Variants in SLC44A5 observed in about 807,000 individuals in gnomAD.
SLC44A5 encodes choline transporter-like protein 5.
Under a neutral mutation model 101.8 loss-of-function variants are expected in SLC44A5, and 57 were observed. That is an observed-to-expected ratio of 0.56 (90% confidence interval 0.45 to 0.70). The LOEUF is 0.70. Among genes scored for constraint, SLC44A5 ranks in the 30% least tolerant of loss-of-function variants. SLC44A5 has a pLI of 0.00. For synonymous variants in SLC44A5, 281 were observed against 290.9 expected (o/e 0.97, Z 0.35); for missense variants, 737 against 853.1 (o/e 0.86, Z 1.70).
chr1:75,571,351 A>T (rs1673062178), intron 1 of SLC44A5, among the ~76,000 whole-genome samples: 2 of 152,216 alleles, frequency 1.3e-5, no homozygotes, highest in African/African-American at 4.8e-5. Context: ...ATATATCCAG[A>T]ATGATCAATA....
At chr1:75,649,808 C>G in the SLC44A5 span, among the ~76,000 whole-genome samples, 10 of 152,258 alleles carry the variant, frequency 6.6e-5, no homozygotes, top group South Asian at 6.2e-4. Context: ...GGAATCTCAC[C>G]TATTCTGGAG....
At chr1:75,298,748 A>G (rs949236198) in intron 5 of SLC44A5, among the ~76,000 whole-genome samples, 2 of 152,200 alleles carry the variant, frequency 1.3e-5, no homozygotes, top group Non-Finnish European at 2.9e-5. Context: ...ATGGGTTGCC[A>G]TGGAAATAAT....
chr1:75,621,669 A>G, the SLC44A5 span, among the ~76,000 whole-genome samples: 1 of 152,266 alleles, frequency 6.6e-6, no homozygotes, highest in African/African-American at 2.4e-5. Flanking sequence ...ATAATATTGT[A>G]ACATCGAAGG....
At chr1:75,555,851 C>A (rs1472024469) in intron 1 of SLC44A5, among the ~76,000 whole-genome samples, 1 of 151,990 alleles carries the variant, frequency 6.6e-6, no homozygotes, top group Non-Finnish European at 1.5e-5. Context: ...TTTGTATATC[C>A]ACACAGTAGA....
intron 2 of SLC44A5, among the ~76,000 whole-genome samples, chr1:75,444,497 A>AGAAAGAAAGAAAGAAAGAAAGAAG (rs1665425851): frequency 6.6e-6 from 1 of 151,574 alleles, no homozygotes; most frequent in Non-Finnish European, 1.5e-5. Context: ...AAAGAAAGAA[A>AGAAAGAAAGAAAGAAAGAAAGAAG]GAAAGAAAGA....
the SLC44A5 span, among the ~76,000 whole-genome samples, chr1:75,661,087 ATAC>A: frequency 2.0e-5 from 3 of 152,154 alleles, no homozygotes; most frequent in Non-Finnish European, 2.9e-5. Context: ...ACTTCAAAAT[ATAC>A]TACAAAAGCG....
chr1:75,562,590 C>CG (rs970218519), intron 1 of SLC44A5, among the ~76,000 whole-genome samples: 39 of 152,068 alleles, frequency 2.6e-4, no homozygotes, highest in African/African-American at 8.7e-4. Context: ...CCTAGCTACT[C>CG]GGGGGGAGGA....
chr1:75,528,245 A>G (rs1258171528), intron 2 of SLC44A5, among the ~76,000 whole-genome samples: 1 of 152,226 alleles, frequency 6.6e-6, no homozygotes, highest in Non-Finnish European at 1.5e-5. Context: ...CTCTATAGGC[A>G]TATTTGAAAA....
At chr1:75,710,562 T>TAAAAAAAAAA in the SLC44A5 span, 2 of 52,304 alleles carry the variant, frequency 3.8e-5, no homozygotes, top group Non-Finnish European at 6.2e-5. Context: ...AGACCCTACC[T>TAAAAAAAAAA]AAAAAAAAAA....
the SLC44A5 span, among the ~76,000 whole-genome samples, chr1:75,660,503 G>A: frequency 1.3e-5 from 2 of 151,958 alleles, no homozygotes; most frequent in African/African-American, 4.8e-5. Context: ...AGACTAAAGG[G>A]CATCCAACTT....
the SLC44A5 span, among the ~76,000 whole-genome samples, chr1:75,639,763 G>C: frequency 6.6e-6 from 1 of 152,078 alleles, no homozygotes; most frequent in Non-Finnish European, 1.5e-5. Context: ...AGGTAACTGG[G>C]AATCTGCTTG....
At chr1:75,483,294 G>C (rs1667972839) in intron 2 of SLC44A5, among the ~76,000 whole-genome samples, 2 of 152,118 alleles carry the variant, frequency 1.3e-5, no homozygotes, top group South Asian at 2.1e-4. Context: ...TAAAAATCCA[G>C]ATATCATTTT....
At chr1:75,483,582 A>G (rs895320055) in intron 2 of SLC44A5, among the ~76,000 whole-genome samples, 22 of 152,172 alleles carry the variant, frequency 1.4e-4, no homozygotes, top group African/African-American at 5.3e-4. Context: ...ATGAAATAAG[A>G]AAATAAGAAA....
chr1:75,332,984 T>G (rs1238163486), intron 4 of SLC44A5, among the ~76,000 whole-genome samples: 1 of 152,270 alleles, frequency 6.6e-6, no homozygotes, highest in East Asian at 1.9e-4. Flanking sequence ...TTTTTCTAAT[T>G]GTATAGGAGA....
chr1:75,424,142 T>G (rs1485647910), intron 2 of SLC44A5, among the ~76,000 whole-genome samples: 9 of 152,222 alleles, frequency 5.9e-5, no homozygotes, highest in Admixed American at 5.2e-4. Context: ...GGCTTTTGTT[T>G]CTAAAGAGGA....
chr1:75,592,092 C>G (rs1351997939), intron 1 of SLC44A5, among the ~76,000 whole-genome samples: 1 of 152,084 alleles, frequency 6.6e-6, no homozygotes, highest in African/African-American at 2.4e-5. Context: ...GTCAAATTAT[C>G]CTTGTTTGCA....
intron 21 of SLC44A5, 36 bp downstream of exon 21, chr1:75,213,883 A>G (rs536359927): frequency 7.1e-7 from 1 of 1,398,820 alleles, no homozygotes; most frequent in Non-Finnish European, 9.9e-7. Context: ...CATCTTTTAA[A>G]CTTTTTTTTT....
intron 4 of SLC44A5, among the ~76,000 whole-genome samples, chr1:75,326,890 T>C (rs1656640555): frequency 6.6e-6 from 1 of 152,110 alleles, no homozygotes; most frequent in Admixed American, 6.6e-5. Context: ...TTTCTCCACC[T>C]ATTGTAAGGG....
At chr1:75,651,558 G>A in the SLC44A5 span, among the ~76,000 whole-genome samples, 3 of 151,866 alleles carry the variant, frequency 2.0e-5, no homozygotes, top group African/African-American at 4.8e-5. Context: ...TTAGCTGGGC[G>A]TGGTGGTGGG....
Sources: gnomAD v4.1 joint callset for allele counts (sites outside exome capture counted in the v4.1 genomes callset) on GRCh38, gnomAD v4.1.1 for gene constraint, MANE v1.5 for transcripts, NCBI Gene and HGNC (gene_info 2026-07-23, HGNC 2026-07-21) for gene names.